Variants in SH3BP4 observed in about 807,000 individuals in gnomAD.
The protein encoded by SH3BP4 is SH3 domain binding protein 4.
Under a neutral mutation model 65.5 loss-of-function variants are expected in SH3BP4, and 33 were observed. The ratio of observed to expected loss-of-function variants is 0.50; its 90% CI spans 0.38 to 0.67. The LOEUF (loss-of-function observed/expected upper bound fraction) is 0.67, where lower values mean the gene tolerates loss of function less well. SH3BP4 is among the 30% of genes least tolerant of loss of function. The probability of loss-of-function intolerance (pLI) is 0.00; values close to 1 mark genes in which losing one functional copy is unlikely to be tolerated. For missense variants in SH3BP4, 1,134 were observed against 1,261.4 expected (o/e 0.90, Z 1.53); for synonymous variants, 552 against 545.5 (o/e 1.01, Z -0.17).
chr2:235,044,833 C>T (rs975412081), intron 4 of SH3BP4, among the ~76,000 whole-genome samples: 1 of 152,208 alleles, frequency 6.6e-6, no homozygotes, highest in Non-Finnish European at 1.5e-5. Context: ...GTGAGACCCT[C>T]TCTGGGTGGC....
At chr2:234,970,042 C>T (rs1156851503) in intron 1 of SH3BP4, among the ~76,000 whole-genome samples, 1 of 139,770 alleles carries the variant, frequency 7.2e-6, no homozygotes, top group Non-Finnish European at 1.5e-5. Flanking sequence ...CACAAATACA[C>T]TTACTCACAC....
rs998390379 is a variant in SH3BP4 at position 235,041,189 on chromosome 2, G to A, written c.420G>A (p.Glu140=). 2.5e-6 allele frequency: 4 copies of A among 1,614,022 alleles called. No homozygotes were observed. The African/African-American group carries it at 5.3e-5, about 22-fold the overall frequency. Residue 140 remains glutamate, a synonymous_variant, in exon 4 of 6, where the codon GAG becomes GAA. Transcript: ENST00000392011. This position sits in a 1 kb window ranked among gnomAD's most constrained non-coding sequence, Gnocchi z 6.0. ...DSPDEVAKEL[E]LLGGWTDDKK... ...CAGACGAGGTAGCCAAGGAGCTGGA[G>A]CTGCTCGGGGGATGGACAGATGACA...
At position 234,977,876 on chromosome 2, in the gene SH3BP4, G is replaced by C. The variant is rs1434630138; in HGVS notation, c.-206-17427G>C. ...CACTTGAGTTTCTAGTCTTAAGCAA[G>C]AAGGGTGTCACCGAGGTTGTGTCCT... On this transcript the variant is annotated intron_variant, in intron 1 of 5. Coordinates refer to ENST00000392011, the MANE Select transcript of SH3BP4 (RefSeq NM_014521.3). The surrounding 1 kb of genome is among the most constrained non-coding windows in gnomAD (Gnocchi z 5.1). Among the ~76,000 whole-genome samples, 1 of 152,210 alleles carries C rather than the reference G, an allele frequency of 6.6e-6. No homozygotes were observed. The highest frequency in any genetic ancestry group is 1.5e-5 in the Non-Finnish European group (1 of 68,032).
rs1693239773 is a variant in SH3BP4 at position 234,978,423 on chromosome 2, G to A, written c.-206-16880G>A. ...GTCCTCCTCACTGCAGTCACTGCGG[G>A]ACCAGGTACTCTTTTCCTGCGCCCC... is the stretch of plus-strand genomic sequence containing the variant. On this transcript the variant is annotated intron_variant, in intron 1 of 5. Coordinates refer to ENST00000392011, the MANE Select transcript of SH3BP4 (RefSeq NM_014521.3). The surrounding 1 kb of genome is among the most constrained non-coding windows in gnomAD (Gnocchi z 4.1). Among the ~76,000 whole-genome samples, 1 of 152,182 alleles carries A rather than the reference G, an allele frequency of 6.6e-6. No individual in the cohort carries two copies. The highest frequency in any genetic ancestry group is 6.5e-5 in the Admixed American group (1 of 15,280).
At position 235,052,725 on chromosome 2, in the gene SH3BP4, A is replaced by G; in HGVS notation, c.2642A>G (p.Asp881Gly). 1 of 1,603,420 alleles carries G rather than the reference A, an allele frequency of 6.2e-7. No individual in the cohort carries two copies. The highest frequency in any genetic ancestry group is 8.5e-7 in the Non-Finnish European group (1 of 1,175,862). Residue 881 changes from aspartate to glycine, a missense_variant, in exon 5 of 6, where the codon GAC (aspartate) becomes GGC (glycine). Physicochemically the swap from Asp to Gly is moderately conservative, Grantham distance 94. Coordinates refer to ENST00000392011, the MANE Select transcript of SH3BP4 (RefSeq NM_014521.3). This position sits in a 1 kb window ranked among gnomAD's most constrained non-coding sequence, Gnocchi z 5.0. ...GACGCCTACGAGTCTCCCCACCGGG[A>G]CAGGAACGGGGTTGTGGACAGCGAG... ...QMDAYESPHR[D>G]RNGVVDSEAM...
At chr2:234,998,043 A>G (rs1693978391) in intron 2 of SH3BP4, among the ~76,000 whole-genome samples, 1 of 152,162 alleles carries the variant, frequency 6.6e-6, no homozygotes, top group Non-Finnish European at 1.5e-5. Flanking sequence ...GAATCACCTG[A>G]ACCCAGGAGG....
chr2:235,050,534 G>C (rs1258249168), intron 4 of SH3BP4, among the ~76,000 whole-genome samples: 4 of 152,222 alleles, frequency 2.6e-5, no homozygotes, highest in African/African-American at 9.6e-5. Context: ...GGAGGCATCA[G>C]AATGATCTGT....
At position 235,042,912 on chromosome 2, in the gene SH3BP4, C is replaced by T; in HGVS notation, c.2143C>T (p.His715Tyr). ...CTACCAGGGCAGGGTGGGCCTCGTG[C>T]ACACCAAGAACGTGCTGGTGGTCGG... ...GYYQGRVGLV[H>Y]TKNVLVVGRA... Residue 715 changes from histidine (H) to tyrosine (Y), a missense_variant, in exon 4 of 6, where the codon CAC becomes TAC. Coordinates refer to ENST00000392011, the MANE Select transcript of SH3BP4 (RefSeq NM_014521.3). The surrounding 1 kb of genome is among the most constrained non-coding windows in gnomAD (Gnocchi z 7.3). The T allele has an allele frequency of 2.5e-6, 4 of 1,613,372 alleles. No homozygotes were observed. Among genetic ancestry groups the T allele is most frequent in the Non-Finnish European group, 3.4e-6 (4 of 1,179,932 alleles).
rs1693162934 is a variant in SH3BP4 at position 234,976,191 on chromosome 2, G to C, written c.-206-19112G>C. The stretch of plus-strand genomic sequence containing the variant: ...CGGATTCCCCATCTACCCATGAAGA[G>C]CGGCTCCTGCGGGGTGGCCCGGGTT... On this transcript the variant is annotated intron_variant, in intron 1 of 5. Transcript: ENST00000392011. This position sits in a 1 kb window ranked among gnomAD's most constrained non-coding sequence, Gnocchi z 4.7. 6.6e-6 allele frequency among the ~76,000 whole-genome samples: 1 copy of C among 152,196 alleles called. No homozygotes were observed. Among genetic ancestry groups the C allele is most frequent in the African/African-American group, 2.4e-5 (1 of 41,466 alleles).
At position 234,978,420 on chromosome 2, in the gene SH3BP4, C is replaced by T. The variant is rs1693239244; in HGVS notation, c.-206-16883C>T. Among the ~76,000 whole-genome samples, 1 of 152,194 alleles carries T rather than the reference C, an allele frequency of 6.6e-6. No individual in the cohort carries two copies. Among genetic ancestry groups the T allele is most frequent in the Non-Finnish European group, 1.5e-5 (1 of 68,042 alleles). ...AGGGTCCTCCTCACTGCAGTCACTG[C>T]GGGACCAGGTACTCTTTTCCTGCGC... On this transcript the variant is annotated intron_variant, in intron 1 of 5. Coordinates refer to ENST00000392011, the MANE Select transcript of SH3BP4 (RefSeq NM_014521.3). This position sits in a 1 kb window ranked among gnomAD's most constrained non-coding sequence, Gnocchi z 4.1.
At chr2:234,964,343 C>T (rs1231511463) in intron 1 of SH3BP4, among the ~76,000 whole-genome samples, 2 of 152,186 alleles carry the variant, frequency 1.3e-5, no homozygotes, top group Non-Finnish European at 2.9e-5. Context: ...CTGGCTCTTT[C>T]CCTCTTCTTG....
rs1202356001 is a variant in SH3BP4, at chr2:235,054,170, G to T, written c.*354G>T. The T allele has an allele frequency of 8.9e-6, 2 of 224,164 alleles. No homozygotes were observed. The highest frequency in any genetic ancestry group is 5.1e-5 in the Admixed American group (1 of 19,704). The allele number at this position is 224,164 out of a possible 1,614,324, so 13.9% of individuals were successfully genotyped here. On this transcript the variant is annotated 3_prime_UTR_variant, in exon 6 of 6. Coordinates refer to ENST00000392011, the MANE Select transcript of SH3BP4 (RefSeq NM_014521.3). Reference sequence around the variant, plus strand: ...GAAAATAGGGGCACAGGCTGTTGAGGTTTTTATGTTGTTATAGACCTTTTT... The same window carrying T: ...GAAAATAGGGGCACAGGCTGTTGAGTTTTTTATGTTGTTATAGACCTTTTT...
At chr2:234,995,625 G>A (rs896431110) in intron 2 of SH3BP4, 7 of 152,356 alleles carry the variant, frequency 4.6e-5, no homozygotes, top group Non-Finnish European at 7.3e-5. Context: ...AAGGTCATTT[G>A]TCATCCTGGC....
chr2:235,016,799 T>A (rs1302353550), intron 2 of SH3BP4, among the ~76,000 whole-genome samples: 1 of 152,150 alleles, frequency 6.6e-6, no homozygotes, highest in Non-Finnish European at 1.5e-5. Flanking sequence ...GTGAGCCACC[T>A]CAACTCATCT....
chr2:234,964,420 G>A (rs1692787670), intron 1 of SH3BP4, among the ~76,000 whole-genome samples: 1 of 152,186 alleles, frequency 6.6e-6, no homozygotes, highest in African/African-American at 2.4e-5. Context: ...GGGTGGGGGA[G>A]ATAAATGGGG....
At chr2:234,989,966 A>G (rs140220401) in intron 1 of SH3BP4, among the ~76,000 whole-genome samples, 288 of 152,324 alleles carry the variant, frequency 1.9e-3, no homozygotes, top group Non-Finnish European at 3.2e-3. Context: ...CACAAGTGGA[A>G]AATTTCTCAC....
chr2:234,985,740 G>A (rs760517248), intron 1 of SH3BP4, among the ~76,000 whole-genome samples: 23 of 152,332 alleles, frequency 1.5e-4, no homozygotes, highest in Non-Finnish European at 2.6e-4. Context: ...ACTGTGCGCA[G>A]GTGAACCAGC....
intron 2 of SH3BP4, among the ~76,000 whole-genome samples, chr2:235,014,229 A>G (rs1694614734): frequency 6.6e-6 from 1 of 152,198 alleles, no homozygotes; most frequent in Non-Finnish European, 1.5e-5. Context: ...TTTGGCGAGC[A>G]GGATCGGGCG....
At chr2:235,047,010 A>G (rs1345913138) in intron 4 of SH3BP4, among the ~76,000 whole-genome samples, 1 of 152,106 alleles carries the variant, frequency 6.6e-6, no homozygotes, top group African/African-American at 2.4e-5. Flanking sequence ...TCTGTCCGTG[A>G]TGGTGTCAGC....
Sources: allele counts gnomAD v4.1 joint callset (sites outside exome capture counted in the v4.1 genomes callset), GRCh38; gene constraint gnomAD v4.1.1; non-coding constraint Gnocchi (gnomAD v3.1); transcripts MANE v1.5; gene names NCBI Gene and HGNC (gene_info 2026-07-23, HGNC 2026-07-21).